CUX2: variants seen among roughly 807,000 people sequenced by gnomAD.
CUX2 encodes the protein cut like homeobox 2, also known as homeobox protein cut-like 2.
Under a neutral mutation model 144.8 loss-of-function variants are expected in CUX2, and 40 were observed. The ratio of observed to expected loss-of-function variants is 0.28; its 90% CI spans 0.21 to 0.36. The LOEUF (loss-of-function observed/expected upper bound fraction) is 0.36, where lower values mean the gene tolerates loss of function less well. Among genes scored for constraint, CUX2 ranks in the 10% least tolerant of loss-of-function variants. The pLI is 1.00. For missense variants in CUX2, 1,615 were observed against 1,994.0 expected, an observed-to-expected ratio of 0.81 and a Z score of 3.62; for synonymous variants, 827 against 875.6, an observed-to-expected ratio of 0.94 and a Z score of 0.98.
Position 111,255,126 on chromosome 12 carries a change from C to T in CUX2, c.223-8635C>T, listed in dbSNP as rs572428668. 1.3e-5 allele frequency among the ~76,000 whole-genome samples: 2 copies of T among 152,236 alleles called. No individual in the cohort carries two copies. Among genetic ancestry groups the T allele is most frequent in the East Asian group, 1.9e-4 (1 of 5,168 alleles). The stretch of plus-strand genomic sequence containing the variant: ...TGCTGGGATTACAGGCGTGAGCCAC[C>T]GCACCCAACCTTAATCAGTCTTTAG... On this transcript the variant is annotated intron_variant, in intron 3 of 21. Coordinates refer to ENST00000261726, the MANE Select transcript of CUX2 (RefSeq NM_015267.4). The surrounding 1 kb of genome is among the most constrained non-coding windows in gnomAD (Gnocchi z 4.1).
In CUX2 at chr12:111,034,245, G is replaced by A; in HGVS notation, c.63+5G>A. 1.5e-6 allele frequency: 2 copies of A among 1,372,874 alleles called. No individual in the cohort carries two copies. The highest frequency in any genetic ancestry group is 1.9e-6 in the Non-Finnish European group (2 of 1,032,564). 85.0% of individuals were successfully genotyped at this position (1,372,874 alleles called of 1,614,324 possible). On this transcript the variant is annotated splice_donor_5th_base_variant and intron_variant, in intron 1 of 21. Transcript: ENST00000261726. This position sits in a 1 kb window ranked among gnomAD's most constrained non-coding sequence, Gnocchi z 4.2. ...TTTGATCTACGGCGACTCCAGGTTA[G>A]TGCGGGCAGCGCCGGCCGCGCGGCC...
chr12:111,134,620 C>CTCTCTGTGTGTGTG (rs1026548098), intron 1 of CUX2, among the ~76,000 whole-genome samples: 14 of 142,128 alleles, frequency 9.9e-5, no homozygotes, highest in African/African-American at 3.9e-4. Context: ...CTCTCTCTCT[C>CTCTCTGTGTGTGTG]TGTGTGTGTG....
At position 111,277,410 on chromosome 12, in the gene CUX2, C is replaced by T. The variant is rs993645951; in HGVS notation, c.301+13571C>T. Among the ~76,000 whole-genome samples the T allele has an allele frequency of 6.6e-5, 10 of 152,044 alleles. No individual in the cohort carries two copies. Among genetic ancestry groups the T allele is most frequent in the Non-Finnish European group, 1.2e-4 (8 of 68,014 alleles). On this transcript the variant is annotated intron_variant, in intron 4 of 21. Coordinates refer to ENST00000261726, the MANE Select transcript of CUX2 (RefSeq NM_015267.4). The surrounding 1 kb of genome is among the most constrained non-coding windows in gnomAD (Gnocchi z 5.0). ...TGCCATTTCCTTATCTGATGCAAGC[C>T]GTTTCTCCTGGTATTTCCTGTGTCT...
At position 111,263,884 on chromosome 12, in the gene CUX2, A is replaced by G. The variant is rs760499619; in HGVS notation, c.301+45A>G. 1 of 1,536,216 alleles carries G rather than the reference A, an allele frequency of 6.5e-7. No homozygotes were observed. The highest frequency in any genetic ancestry group is 1.4e-5 in the African/African-American group (1 of 73,370). On this transcript the variant is annotated intron_variant, in intron 4 of 21. Transcript: ENST00000261726. This position sits in a 1 kb window ranked among gnomAD's most constrained non-coding sequence, Gnocchi z 4.0. ...CGTAATTGAATAGTTAACGACAATA[A>G]ATAGCCATTAGGACTGTGACACAGG...
chr12:111,137,038 A>G (rs1875937790), intron 1 of CUX2, among the ~76,000 whole-genome samples: 1 of 151,844 alleles, frequency 6.6e-6, no homozygotes, highest in Non-Finnish European at 1.5e-5. Context: ...CCCAGGCTCA[A>G]ACAGTTCTCC....
At position 111,068,775 on chromosome 12, in the gene CUX2, C is replaced by T. The variant is rs947019554; in HGVS notation, c.63+34535C>T. Among the ~76,000 whole-genome samples the T allele has an allele frequency of 6.6e-6, 1 of 152,206 alleles. No individual in the cohort carries two copies. Among genetic ancestry groups the T allele is most frequent in the Admixed American group, 6.5e-5 (1 of 15,290 alleles). Reference sequence around the variant, plus strand: ...GGGTGCCGGTAATGCCCCCATGGCCCTCCTGTTGGACAGGAGGGGAAAATC... The same window carrying T: ...GGGTGCCGGTAATGCCCCCATGGCCTTCCTGTTGGACAGGAGGGGAAAATC... On this transcript the variant is annotated intron_variant, in intron 1 of 21. Transcript: ENST00000261726. This position sits in a 1 kb window ranked among gnomAD's most constrained non-coding sequence, Gnocchi z 4.9.
intron 3 of CUX2, among the ~76,000 whole-genome samples, chr12:111,237,332 C>G (rs1882806603): frequency 6.6e-6 from 1 of 152,178 alleles, no homozygotes. Flanking sequence ...GGATGCTTTT[C>G]CTCCTCTAAG....
chr12:111,164,563 G>A (rs967863369), intron 1 of CUX2, among the ~76,000 whole-genome samples: 1 of 151,636 alleles, frequency 6.6e-6, no homozygotes, highest in Non-Finnish European at 1.5e-5. Flanking sequence ...GCAACAGAGT[G>A]AGACTCCATC....
In CUX2 at chr12:111,037,436, C is replaced by G. The variant is rs1869516499; in HGVS notation, c.63+3196C>G. Among the ~76,000 whole-genome samples the G allele has an allele frequency of 6.6e-6, 1 of 152,232 alleles. No individual in the cohort carries two copies. The highest frequency in any genetic ancestry group is 2.1e-4 in the South Asian group (1 of 4,832). On this transcript the variant is annotated intron_variant, in intron 1 of 21. Coordinates refer to ENST00000261726, the MANE Select transcript of CUX2 (RefSeq NM_015267.4). This position sits in a 1 kb window ranked among gnomAD's most constrained non-coding sequence, Gnocchi z 5.4. ...GTTCCAGTTATTATTCCTTCCAGCGCCGTCTCTGTACACAGCAGGGCTGTT... is the reference window on the plus strand; with the variant it reads ...GTTCCAGTTATTATTCCTTCCAGCGGCGTCTCTGTACACAGCAGGGCTGTT...
intron 3 of CUX2, among the ~76,000 whole-genome samples, chr12:111,244,820 T>C (rs899875156): frequency 2.0e-5 from 3 of 152,150 alleles, no homozygotes; most frequent in African/African-American, 7.2e-5. Flanking sequence ...CCTCAGCCCA[T>C]GTCATTGGTC....
At position 111,218,663 on chromosome 12, in the gene CUX2, C is replaced by G. The variant is rs576640448; in HGVS notation, c.222+726C>G. Among the ~76,000 whole-genome samples, 8 of 152,298 alleles carry G rather than the reference C, an allele frequency of 5.3e-5. No individual in the cohort carries two copies. In the South Asian group the frequency reaches 1.5e-3, roughly 28 times the overall value. On this transcript the variant is annotated intron_variant, in intron 3 of 21. Transcript: ENST00000261726. ...CTTGGCATTCTGCTGTCCTTTGATT[C>G]TCTGAGGCAGCCTTGCAGATAAGTC...
chr12:111,181,473 C>T (rs1198285028), intron 1 of CUX2, among the ~76,000 whole-genome samples: 1 of 152,194 alleles, frequency 6.6e-6, no homozygotes, highest in Non-Finnish European at 1.5e-5. Flanking sequence ...TCAAATTTGG[C>T]GTCTGAGAAG....
chr12:111,100,088 G>A (rs1050497451), intron 1 of CUX2: 2 of 456,534 alleles, frequency 4.4e-6, no homozygotes, highest in Admixed American at 4.7e-5. Flanking sequence ...GCCTTGGACG[G>A]CTCTGGAGAG....
chr12:111,090,064 A>G (rs1023352155), intron 1 of CUX2, among the ~76,000 whole-genome samples: 76 of 152,280 alleles, frequency 5.0e-4, no homozygotes, highest in South Asian at 4.1e-4. Context: ...CAGGGAGGCC[A>G]GGGAGGAGGC....
chr12:111,125,929 C>T (rs1875034457), intron 1 of CUX2, among the ~76,000 whole-genome samples: 1 of 151,950 alleles, frequency 6.6e-6, no homozygotes, highest in Admixed American at 6.6e-5. Context: ...AGAAACTAAA[C>T]GAAACACATC....
chr12:111,219,716 C>T (rs763296416), intron 3 of CUX2, among the ~76,000 whole-genome samples: 2 of 152,164 alleles, frequency 1.3e-5, no homozygotes, highest in Non-Finnish European at 1.5e-5. Context: ...GAGCTGTTAG[C>T]GGGTGAAGAG....
chr12:111,205,653 G>A (rs779567870), intron 1 of CUX2, among the ~76,000 whole-genome samples: 5 of 152,290 alleles, frequency 3.3e-5, no homozygotes, highest in African/African-American at 7.2e-5. Context: ...CCTGCTTACA[G>A]TCTGGTTCTC....
chr12:111,094,067 G>C (rs183824409), intron 1 of CUX2, among the ~76,000 whole-genome samples: 2 of 152,236 alleles, frequency 1.3e-5, no homozygotes, highest in African/African-American at 4.8e-5. Flanking sequence ...ACTTTCAATA[G>C]CAGACAGGCA....
At chr12:111,274,927 G>A (rs1884790937) in intron 4 of CUX2, among the ~76,000 whole-genome samples, 1 of 148,188 alleles carries the variant, frequency 6.7e-6, no homozygotes. Flanking sequence ...GACAGCTCTA[G>A]ATTCCCCAAC....
Sources: gnomAD v4.1 joint callset for allele counts (sites outside exome capture counted in the v4.1 genomes callset) on GRCh38, gnomAD v4.1.1 for gene constraint, Gnocchi (gnomAD v3.1) non-coding constraint, MANE v1.5 for transcripts, NCBI Gene and HGNC (gene_info 2026-07-23, HGNC 2026-07-21) for gene names.